AMOTL1: variants seen among roughly 807,000 people sequenced by gnomAD.
AMOTL1 encodes angiomotin-like protein 1.
AMOTL1 carries 45 observed loss-of-function variants against 102.9 expected under a neutral mutation model. The observed-to-expected ratio is 0.44, with a 90% CI of 0.34 to 0.56. The LOEUF (loss-of-function observed/expected upper bound fraction) is 0.56. AMOTL1 is among the 20% of genes least tolerant of loss of function. AMOTL1 has a pLI of 0.01. For synonymous variants in AMOTL1, 481 were observed against 484.7 expected, an observed-to-expected ratio of 0.99 and a Z score of 0.10; for missense variants, 1,114 against 1,225.6, an observed-to-expected ratio of 0.91 and a Z score of 1.36.
At chr11:94,744,750 T>C (rs761877759) in intron 3 of AMOTL1, among the ~76,000 whole-genome samples, 10 of 152,204 alleles carry the variant, frequency 6.6e-5, no homozygotes, top group Non-Finnish European at 1.2e-4. Flanking sequence ...ATTGGTTTAA[T>C]AACAACTTTT....
intron 3 of AMOTL1, among the ~76,000 whole-genome samples, chr11:94,763,272 C>T (rs1245963638): frequency 5.9e-5 from 9 of 152,186 alleles, no homozygotes; most frequent in African/African-American, 2.2e-4. Flanking sequence ...TCCCCTTGCC[C>T]TTTCCTCTCC....
chr11:94,759,424 G>T (rs1019458736), intron 3 of AMOTL1, among the ~76,000 whole-genome samples: 13 of 152,128 alleles, frequency 8.5e-5, no homozygotes, highest in African/African-American at 3.1e-4. Flanking sequence ...TTGTAGTTTG[G>T]AGTATCTGGT....
chr11:94,784,304 A>G (rs1360459818), intron 1 of AMOTL1, among the ~76,000 whole-genome samples: 1 of 152,154 alleles, frequency 6.6e-6, no homozygotes, highest in Non-Finnish European at 1.5e-5. Flanking sequence ...TTTCAGATTT[A>G]TCAAGCATTT....
chr11:94,823,429 G>T (rs895725051), intron 4 of AMOTL1, among the ~76,000 whole-genome samples: 15 of 152,118 alleles, frequency 9.9e-5, no homozygotes, highest in African/African-American at 3.4e-4. Flanking sequence ...ACAGCCCTCA[G>T]CCTATAAGAT....
At chr11:94,829,028 A>G (rs1277323578) in intron 4 of AMOTL1, among the ~76,000 whole-genome samples, 3 of 152,206 alleles carry the variant, frequency 2.0e-5, no homozygotes, top group South Asian at 2.1e-4. Flanking sequence ...TCACACTATT[A>G]TATCAAACTC....
intron 3 of AMOTL1, among the ~76,000 whole-genome samples, chr11:94,818,829 C>T (rs190139621): frequency 3.3e-5 from 5 of 152,250 alleles, no homozygotes; most frequent in Admixed American, 3.3e-4. Flanking sequence ...AAAAATGAAG[C>T]TGTGCTTTCT....
intron 1 of AMOTL1, 43 bp from the exon 2 acceptor site, chr11:94,794,968 G>A: frequency 1.3e-6 from 2 of 1,559,208 alleles, no homozygotes; most frequent in East Asian, 2.3e-5. Context: ...AAGGAAGGAG[G>A]ACTTGATGGG....
At chr11:94,779,970 T>C (rs1951084951) in intron 1 of AMOTL1, among the ~76,000 whole-genome samples, 1 of 152,232 alleles carries the variant, frequency 6.6e-6, no homozygotes, top group African/African-American at 2.4e-5. Context: ...AGGAATAGAC[T>C]TTTTCTGCAT....
chr11:94,807,016 A>AT (rs971293005), intron 3 of AMOTL1, among the ~76,000 whole-genome samples: 6 of 151,966 alleles, frequency 3.9e-5, no homozygotes, highest in East Asian at 3.9e-4. Flanking sequence ...GTTACAGCTG[A>AT]TTTTTTTTCC....
At chr11:94,720,717 G>A (rs1008608031) in intron 1 of AMOTL1, among the ~76,000 whole-genome samples, 4 of 152,062 alleles carry the variant, frequency 2.6e-5, no homozygotes, top group African/African-American at 7.2e-5. Context: ...TGATTAGCCC[G>A]TCAATTGTCT....
In AMOTL1 at chr11:94,786,481, C is replaced by G. The variant is rs1355238764; in HGVS notation, c.50-8530C>G. On this transcript the variant is annotated intron_variant, in intron 1 of 12. Coordinates refer to ENST00000433060, the MANE Select transcript of AMOTL1 (RefSeq NM_130847.3). Reference sequence around the variant, plus strand: ...ACAGTCCTGTGGGCTCAGGACCTGCCTGTGGGGGCTGAGGAGGAGGGGAGC... The same window carrying G: ...ACAGTCCTGTGGGCTCAGGACCTGCGTGTGGGGGCTGAGGAGGAGGGGAGC... Among the ~76,000 whole-genome samples the G allele has an allele frequency of 1.3e-5, 2 of 152,336 alleles. 1 individual carries two copies. Among genetic ancestry groups the G allele is most frequent in the East Asian group, 3.9e-4 (2 of 5,186 alleles).
At chr11:94,837,521 TG>T (rs1226272397) in intron 6 of AMOTL1, among the ~76,000 whole-genome samples, 10 of 152,190 alleles carry the variant, frequency 6.6e-5, no homozygotes, top group Admixed American at 6.5e-4. Context: ...AAGCAAAGCA[TG>T]TGAGTGCTTA....
In AMOTL1 at chr11:94,859,668, C is replaced by T; in HGVS notation, c.2088C>T (p.Thr696=). The T allele has an allele frequency of 6.2e-7, 1 of 1,612,746 alleles. No homozygotes were observed. The highest frequency in any genetic ancestry group is 8.5e-7 in the Non-Finnish European group (1 of 1,179,344). The change falls in exon 9 of 13, where the codon ACC becomes ACT. Residue 696 remains threonine, a synonymous_variant. Coordinates refer to ENST00000433060, the MANE Select transcript of AMOTL1 (RefSeq NM_130847.3). ...KWEQKYLEES[T]IRHFAMNAAA... is the part of the protein sequence containing the mutation. ...AGCAGAAGTACCTGGAGGAGAGCAC[C>T]ATCCGACACTTTGCCATGAATGCCG...
chr11:94,831,809 A>G (rs1592012144), intron 6 of AMOTL1, among the ~76,000 whole-genome samples: 1 of 152,182 alleles, frequency 6.6e-6, no homozygotes, highest in East Asian at 1.9e-4. Flanking sequence ...AGCAATAGCA[A>G]CATCATAGCA....
intron 1 of AMOTL1, among the ~76,000 whole-genome samples, chr11:94,722,627 G>T (rs1296376356): frequency 6.6e-6 from 1 of 152,108 alleles, no homozygotes; most frequent in Non-Finnish European, 1.5e-5. Flanking sequence ...TGTCTCCAAA[G>T]TCCTTGCTCT....
intron 1 of AMOTL1, among the ~76,000 whole-genome samples, chr11:94,771,868 A>G (rs1342995608): frequency 6.6e-6 from 1 of 152,208 alleles, no homozygotes; most frequent in Non-Finnish European, 1.5e-5. Flanking sequence ...GGTGTTGGAA[A>G]TGTATCCCTG....
At chr11:94,759,570 G>GC (rs1555065519) in intron 3 of AMOTL1, among the ~76,000 whole-genome samples, 2 of 23,312 alleles carry the variant, frequency 8.6e-5, no homozygotes, top group African/African-American at 1.2e-4. Flanking sequence ...TCTTTTAGGT[G>GC]CAAAAAAAAA....
At chr11:94,737,808 G>C (rs1175977726) in intron 2 of AMOTL1, among the ~76,000 whole-genome samples, 3 of 152,222 alleles carry the variant, frequency 2.0e-5, no homozygotes, top group Non-Finnish European at 4.4e-5. Flanking sequence ...AGCCATTCTT[G>C]ACCTTGACAA....
Position 94,831,476 on chromosome 11 carries a change from A to C in AMOTL1, c.1583A>C (p.Gln528Pro), listed in dbSNP as rs1275550240. Residue 528 changes from glutamine to proline, a missense_variant, in exon 6 of 13, where the codon CAA (glutamine) becomes CCA (proline). By Grantham distance (76) the Gln-to-Pro change is moderately conservative (BLOSUM62 -1). Transcript: ENST00000433060. ...LRDRLETANR[Q>P]LSSREYEGHE... Reference sequence around the variant, plus strand: ...GATCGACTAGAGACTGCTAACAGGCAACTATCCAGCAGGGAATACGAAGGG... The same window carrying C: ...GATCGACTAGAGACTGCTAACAGGCCACTATCCAGCAGGGAATACGAAGGG... The C allele has an allele frequency of 2.4e-5, 38 of 1,613,754 alleles. No individual in the cohort carries two copies. Among genetic ancestry groups the C allele is most frequent in the Non-Finnish European group, 3.2e-5 (38 of 1,179,770 alleles).
Sources: allele counts gnomAD v4.1 joint callset (sites outside exome capture counted in the v4.1 genomes callset), GRCh38; gene constraint gnomAD v4.1.1; transcripts MANE v1.5; gene names NCBI Gene and HGNC (gene_info 2026-07-23, HGNC 2026-07-21).